Variants in ASRGL1 observed in about 807,000 individuals in gnomAD.
ASRGL1 encodes the protein asparaginase and isoaspartyl peptidase 1.
In ASRGL1, 16 loss-of-function variants were observed where a neutral mutation model predicts 22.4. The ratio of observed to expected loss-of-function variants is 0.71; its 90% CI spans 0.48 to 1.08. The LOEUF (loss-of-function observed/expected upper bound fraction) is 1.08, where lower values mean the gene tolerates loss of function less well. Ranked by LOEUF, ASRGL1 falls within the 50% of genes least tolerant of loss-of-function variation. The pLI is 0.00. For missense variants in ASRGL1, 412 were observed against 410.1 expected (o/e 1.00, Z -0.04); for synonymous variants, 165 against 159.3 (o/e 1.04, Z -0.27).
Position 62,392,311 on chromosome 11 carries a change from C to G in ASRGL1, c.*27C>G. On this transcript the variant is annotated 3_prime_UTR_variant, in exon 7 of 7. Transcript: ENST00000415229. Reference sequence around the variant, plus strand: ...CCGCTGGAAGATTGTATTCCAGATGCTAGCTTAGAGGTCAAGTACAGTCTC... The same window carrying G: ...CCGCTGGAAGATTGTATTCCAGATGGTAGCTTAGAGGTCAAGTACAGTCTC... 1 of 1,610,820 alleles carries G rather than the reference C, an allele frequency of 6.2e-7. No homozygotes were observed. Among genetic ancestry groups the G allele is most frequent in the Non-Finnish European group, 8.5e-7 (1 of 1,178,400 alleles).
At chr11:62,362,552 CATATATTATTT>C (rs1565161991) in intron 4 of ASRGL1, among the ~76,000 whole-genome samples, 1 of 26,110 alleles carries the variant, frequency 3.8e-5, no homozygotes, top group South Asian at 1.1e-3. Flanking sequence ...AAATATATAA[CATATATTATTT>C]ATATAATATA....
chr11:62,367,371 C>T (rs1476021944), intron 4 of ASRGL1, among the ~76,000 whole-genome samples: 5 of 150,586 alleles, frequency 3.3e-5, no homozygotes, highest in Non-Finnish European at 3.0e-5. Context: ...TAGGGCTAGG[C>T]GCAGTGGTTC....
chr11:62,357,960 C>CTTT lies in ASRGL1; in HGVS notation c.491+816_491+817insTTT, dbSNP rs1248651936. On this transcript the variant is annotated intron_variant, in intron 4 of 6. Coordinates refer to ENST00000415229, the MANE Select transcript of ASRGL1 (RefSeq NM_001083926.2). ...TTCAAAATATGCATGTTTAGGCCAC[C>CTTT]CCGCCAGAAGAATCAGATTTAAATA... 5.1e-3 allele frequency among the ~76,000 whole-genome samples: 780 copies of CTTT among 152,172 alleles called. 2 individuals carry two copies. The highest frequency in any genetic ancestry group is 0.015 in the African/African-American group (619 of 41,508).
chr11:62,341,196 A>ATTT (rs577020969), intron 2 of ASRGL1, among the ~76,000 whole-genome samples: 7 of 135,366 alleles, frequency 5.2e-5, no homozygotes, highest in African/African-American at 1.1e-4. Flanking sequence ...AGATAACAGG[A>ATTT]TTTTTTTTTT....
rs1402516591 is a variant in ASRGL1, at chr11:62,362,648, T to C, written c.491+5504T>C. Among the ~76,000 whole-genome samples, 15 of 59,002 alleles carry C rather than the reference T, an allele frequency of 2.5e-4. 2 individuals carry two copies. The highest frequency in any genetic ancestry group is 2.5e-3 in the South Asian group (7 of 2,758). The allele number at this position is 59,002 out of a possible 152,430, so 38.7% of individuals were successfully genotyped here. On this transcript the variant is annotated intron_variant, in intron 4 of 6. Transcript: ENST00000415229. ...TATATAAAATATATATAATATATAATATATATTATATAAAATATATAATAT... is the reference window on the plus strand; with the variant it reads ...TATATAAAATATATATAATATATAACATATATTATATAAAATATATAATAT...
chr11:62,365,604 C>CT (rs1396628046), intron 4 of ASRGL1, among the ~76,000 whole-genome samples: 2 of 152,068 alleles, frequency 1.3e-5, no homozygotes, highest in Non-Finnish European at 2.9e-5. Flanking sequence ...AATCCCAGCA[C>CT]TTTGGGAGGC....
rs972845145 is a variant in ASRGL1, at chr11:62,356,956, A to G, written c.334-31A>G. ...AAAAAGATTTAAAATTTTCAAAAAA[A>G]CAATCATTTTCTCTTTTCTTTCTGG... On this transcript the variant is annotated intron_variant, in intron 3 of 6. Transcript: ENST00000415229. 32 of 1,563,244 alleles carry G rather than the reference A, an allele frequency of 2.0e-5. No homozygotes were observed. The Admixed American group carries it at 4.9e-4, about 24-fold the overall frequency.
At chr11:62,365,173 A>G (rs1475816007) in intron 4 of ASRGL1, among the ~76,000 whole-genome samples, 1 of 152,198 alleles carries the variant, frequency 6.6e-6, no homozygotes, top group Non-Finnish European at 1.5e-5. Context: ...AGGGTACAAA[A>G]TTACTGTTAT....
intron 2 of ASRGL1, among the ~76,000 whole-genome samples, chr11:62,342,852 G>A (rs1423405340): frequency 6.6e-6 from 1 of 152,052 alleles, no homozygotes; most frequent in Admixed American, 6.5e-5. Context: ...TACCCGTGTA[G>A]ACGTGGATAT....
intron 6 of ASRGL1, 139 bp from the exon 7 acceptor site, chr11:62,391,940 G>A: frequency 4.0e-6 from 4 of 996,726 alleles, no homozygotes; most frequent in Non-Finnish European, 6.0e-6. Flanking sequence ...AGGAGGTGAG[G>A]ACCCTCCTTT....
rs767837837 is a variant in ASRGL1, at chr11:62,345,806, C to CA, written c.190+7640dup. 2.0e-5 allele frequency among the ~76,000 whole-genome samples: 3 copies of CA among 152,308 alleles called. No homozygotes were observed. The South Asian group carries it at 6.2e-4, about 32-fold the overall frequency. ...CCAGTTTCATGGAAGACAGTGTTTC[C>CA]ACAGAGACTCTCGCAGGCACAGTTC... On this transcript the variant is annotated intron_variant, in intron 2 of 6. Transcript: ENST00000415229.
At chr11:62,376,913 AATGTGAAT>A (rs1212318275) in intron 4 of ASRGL1, among the ~76,000 whole-genome samples, 1 of 152,218 alleles carries the variant, frequency 6.6e-6, no homozygotes, top group Non-Finnish European at 1.5e-5. Context: ...GCCCATATGA[AATGTGAAT>A]AAGTATCAAC....
At chr11:62,348,970 GT>G (rs112720859) in intron 2 of ASRGL1, among the ~76,000 whole-genome samples, 1,517 of 82,150 alleles carry the variant, frequency 0.018, 30 homozygotes, top group African/African-American at 0.055. Context: ...GTTTTTTGTG[GT>G]TTTTTTTTGT....
At chr11:62,397,908 CT>C (rs1947450243), downstream of ASRGL1, among the ~76,000 whole-genome samples, 3 of 152,120 alleles carry the variant, frequency 2.0e-5, no homozygotes, top group Admixed American at 2.0e-4. Flanking sequence ...CAAAAATTGT[CT>C]TTTTAGCAGA....
chr11:62,384,914 T>TTG (rs1947164197), intron 4 of ASRGL1, among the ~76,000 whole-genome samples: 3 of 123,644 alleles, frequency 2.4e-5, no homozygotes, highest in African/African-American at 9.1e-5. Flanking sequence ...CAAGACTGTC[T>TTG]CAAAAAAAAA....
intron 2 of ASRGL1, among the ~76,000 whole-genome samples, chr11:62,349,588 ATC>A (rs1212013554): frequency 6.6e-6 from 1 of 152,142 alleles, no homozygotes; most frequent in Non-Finnish European, 1.5e-5. Flanking sequence ...AGCAATCACT[ATC>A]TCTTTCTTAT....
intron 2 of ASRGL1, among the ~76,000 whole-genome samples, chr11:62,347,429 C>T (rs1946054607): frequency 6.6e-6 from 1 of 152,090 alleles, no homozygotes. Flanking sequence ...CGATTGGTTC[C>T]CTGGCAACCA....
chr11:62,352,928 T>C (rs1946201124), intron 2 of ASRGL1, among the ~76,000 whole-genome samples: 1 of 152,222 alleles, frequency 6.6e-6, no homozygotes. Flanking sequence ...TAGTCCTATT[T>C]AGGGCTTGCT....
chr11:62,365,452 G>T (rs2134639113), intron 4 of ASRGL1, among the ~76,000 whole-genome samples: 2 of 152,142 alleles, frequency 1.3e-5, no homozygotes, highest in Middle Eastern at 3.4e-3. Flanking sequence ...TACTCGTGAG[G>T]CTGAGGCAGG....
Sources: allele counts gnomAD v4.1 joint callset (sites outside exome capture counted in the v4.1 genomes callset), GRCh38; gene constraint gnomAD v4.1.1; transcripts MANE v1.5; gene names NCBI Gene and HGNC (gene_info 2026-07-23, HGNC 2026-07-21).